The following LYPLAL1 variants were observed in gnomAD, a reference collection of about 807,000 sequenced individuals.
The protein encoded by LYPLAL1 is lysophospholipase like 1.
Under a neutral mutation model 19.7 loss-of-function variants are expected in LYPLAL1, and 23 were observed. The ratio of observed to expected loss-of-function variants is 1.17; its 90% CI spans 0.84 to 1.65. The LOEUF is 1.65. Among genes scored for constraint, LYPLAL1 ranks in the 40% most tolerant of loss-of-function variants. The probability of loss-of-function intolerance (pLI) is 0.00; values close to 1 mark genes in which losing one functional copy is unlikely to be tolerated. For synonymous variants in LYPLAL1, 119 were observed against 96.3 expected, an observed-to-expected ratio of 1.24 and a Z score of -1.38; for missense variants, 355 against 279.4, an observed-to-expected ratio of 1.27 and a Z score of -1.93.
the LYPLAL1 span, among the ~76,000 whole-genome samples, chr1:219,419,594 C>CACACACACACAGAGAGAG: frequency 0.014 from 1,359 of 99,498 alleles, 26 homozygotes; most frequent in Non-Finnish European, 0.018. Flanking sequence ...CACACACACA[C>CACACACACACAGAGAGAG]AGAGAGAGAG....
At chr1:219,298,496 A>G in the LYPLAL1 span, among the ~76,000 whole-genome samples, 1 of 152,094 alleles carries the variant, frequency 6.6e-6, no homozygotes, top group Non-Finnish European at 1.5e-5. Flanking sequence ...TATGAAAACC[A>G]CCTTCTTCCT....
chr1:219,380,789 A>G, the LYPLAL1 span, among the ~76,000 whole-genome samples: 1 of 152,204 alleles, frequency 6.6e-6, no homozygotes, highest in African/African-American at 2.4e-5. Flanking sequence ...TAAAGTAAAT[A>G]TCTTACTCTT....
At chr1:219,275,730 A>G in the LYPLAL1 span, among the ~76,000 whole-genome samples, 22 of 152,054 alleles carry the variant, frequency 1.4e-4, no homozygotes, top group Non-Finnish European at 3.1e-4. Context: ...AAACTTTAAT[A>G]TAGAGTTAAA....
intron 2 of LYPLAL1, among the ~76,000 whole-genome samples, chr1:219,187,459 A>G (rs1487906511): frequency 1.3e-5 from 2 of 151,254 alleles, no homozygotes; most frequent in East Asian, 1.9e-4. Flanking sequence ...AAAGATTTTT[A>G]TTTCTATAAC....
chr1:219,388,389 T>C, the LYPLAL1 span, among the ~76,000 whole-genome samples: 4 of 152,156 alleles, frequency 2.6e-5, no homozygotes, highest in Non-Finnish European at 4.4e-5. Context: ...TGTACACTTA[T>C]TCCTCTGCCT....
chr1:219,216,475 A>G (rs1659294046), downstream of LYPLAL1, among the ~76,000 whole-genome samples: 1 of 152,104 alleles, frequency 6.6e-6, no homozygotes, highest in Non-Finnish European at 1.5e-5. Context: ...TGTTTAGTTC[A>G]GGACTAATGT....
the LYPLAL1 span, among the ~76,000 whole-genome samples, chr1:219,303,796 A>G: frequency 6.6e-6 from 1 of 152,192 alleles, no homozygotes; most frequent in African/African-American, 2.4e-5. Context: ...TAGATGGCAG[A>G]CAGGTGTGAA....
chr1:219,254,602 G>C, the LYPLAL1 span, among the ~76,000 whole-genome samples: 1 of 152,082 alleles, frequency 6.6e-6, no homozygotes, highest in Admixed American at 6.6e-5. Flanking sequence ...TTTGAACATA[G>C]GCCCCCAGTT....
intron 2 of LYPLAL1, among the ~76,000 whole-genome samples, chr1:219,183,093 T>C (rs1656429599): frequency 6.6e-6 from 1 of 152,134 alleles, no homozygotes; most frequent in South Asian, 2.1e-4. Flanking sequence ...CACATCCTCC[T>C]GAACACTTTC....
the LYPLAL1 span, among the ~76,000 whole-genome samples, chr1:219,333,331 G>T: frequency 2.0e-5 from 3 of 152,112 alleles, no homozygotes; most frequent in African/African-American, 7.2e-5. Context: ...TTCCCACATT[G>T]CTCCATTCCA....
the LYPLAL1 span, among the ~76,000 whole-genome samples, chr1:219,341,894 A>G: frequency 6.6e-6 from 1 of 152,178 alleles, no homozygotes; most frequent in Admixed American, 6.6e-5. Flanking sequence ...GGAGCATTTG[A>G]TATCTTTCTA....
rs867234842 is a variant in LYPLAL1 at position 219,212,629 on chromosome 1, T to C, written c.*901T>C. 6.6e-6 allele frequency: 1 copy of C among 152,044 alleles called. No homozygotes were observed. Among genetic ancestry groups the C allele is most frequent in the Non-Finnish European group, 1.5e-5 (1 of 67,922 alleles). The allele number at this position is 152,044 out of a possible 1,614,324, so 9.4% of individuals were successfully genotyped here. A position where few individuals can be genotyped will look rare whatever the true frequency, so the allele number is the denominator to read the frequency against. ...TCACAACTGTTTAAGTTTTATTAAA[T>C]ATACATTATCCCTATTTGTATAAAT... is the stretch of plus-strand genomic sequence containing the variant. On this transcript the variant is annotated 3_prime_UTR_variant, in exon 5 of 5. Coordinates refer to ENST00000366928, the MANE Select transcript of LYPLAL1 (RefSeq NM_138794.5).
At chr1:219,174,800 A>T (rs1655677022) in intron 1 of LYPLAL1, 1 of 657,882 alleles carries the variant, frequency 1.5e-6, no homozygotes, top group African/African-American at 2.0e-5. Flanking sequence ...TTTTTAAAGA[A>T]ATGAGATGCA....
the LYPLAL1 span, among the ~76,000 whole-genome samples, chr1:219,316,477 T>C: frequency 3.3e-5 from 5 of 152,308 alleles, no homozygotes; most frequent in South Asian, 4.1e-4. Context: ...AAGTGTTCTT[T>C]CCTTTTAAAT....
At chr1:219,313,973 C>G in the LYPLAL1 span, among the ~76,000 whole-genome samples, 2 of 152,202 alleles carry the variant, frequency 1.3e-5, no homozygotes, top group African/African-American at 2.4e-5. Flanking sequence ...TCTTCACACT[C>G]TTTTCACCCT....
the LYPLAL1 span, among the ~76,000 whole-genome samples, chr1:219,256,649 C>G: frequency 2.0e-5 from 3 of 151,856 alleles, no homozygotes; most frequent in African/African-American, 7.3e-5. Flanking sequence ...GTTGAATTTG[C>G]TGATTTGTTT....
At chr1:219,434,734 G>C in the LYPLAL1 span, among the ~76,000 whole-genome samples, 1 of 152,186 alleles carries the variant, frequency 6.6e-6, no homozygotes, top group Non-Finnish European at 1.5e-5. Context: ...TGCGTTGACT[G>C]ACAAGTACAG....
chr1:219,282,341 A>G, the LYPLAL1 span, among the ~76,000 whole-genome samples: 2 of 152,124 alleles, frequency 1.3e-5, no homozygotes, highest in Admixed American at 1.3e-4. Context: ...AAGAAAAAAT[A>G]TATCATAGAT....
chr1:219,437,317 CT>C, the LYPLAL1 span: 1 of 152,342 alleles, frequency 6.6e-6, no homozygotes, highest in Non-Finnish European at 1.5e-5. Context: ...ATCATCCCAC[CT>C]GTAAAGCATT....
Sources: gnomAD v4.1 joint callset for allele counts (sites outside exome capture counted in the v4.1 genomes callset) on GRCh38, gnomAD v4.1.1 for gene constraint, MANE v1.5 for transcripts, NCBI Gene and HGNC (gene_info 2026-07-23, HGNC 2026-07-21) for gene names.